The following DCAF10 variants were observed in gnomAD, a reference collection of about 807,000 sequenced individuals.
DCAF10 encodes DDB1 and CUL4 associated factor 10.
In DCAF10, 19 loss-of-function variants were observed where a neutral mutation model predicts 51.9. The ratio of observed to expected loss-of-function variants is 0.37; its 90% confidence interval spans 0.26 to 0.54. The LOEUF is 0.54. Among genes scored for constraint, DCAF10 ranks in the 20% least tolerant of loss-of-function variants. The pLI is 0.87. For synonymous variants in DCAF10, 291 were observed against 297.1 expected, an observed-to-expected ratio of 0.98 and a Z score of 0.21; for missense variants, 510 against 730.6, an observed-to-expected ratio of 0.70 and a Z score of 3.48.
At chr9:37,841,697 C>T (rs1018608620) in intron 2 of DCAF10, among the ~76,000 whole-genome samples, 7 of 151,950 alleles carry the variant, frequency 4.6e-5, no homozygotes, top group African/African-American at 1.7e-4. Context: ...GTAATGTGTC[C>T]CTCTCGGCAA....
At chr9:37,820,666 C>A (rs556167558) in intron 2 of DCAF10, among the ~76,000 whole-genome samples, 8 of 152,194 alleles carry the variant, frequency 5.3e-5, no homozygotes, top group Non-Finnish European at 1.0e-4. Flanking sequence ...ATTATAAGGC[C>A]TAGTTGTGGA....
At position 37,851,582 on chromosome 9, in the gene DCAF10, G is replaced by A. The variant is rs376990334; in HGVS notation, c.852-3198G>A. ...GGCCGAGGCGGGTGGATCACTTGAGGTCAGGAGTTTGAGACCAGCCTGGTC... is the reference window on the plus strand; with the variant it reads ...GGCCGAGGCGGGTGGATCACTTGAGATCAGGAGTTTGAGACCAGCCTGGTC... On this transcript the variant is annotated intron_variant, in intron 3 of 6. Transcript: ENST00000377724. 7.9e-5 allele frequency among the ~76,000 whole-genome samples: 12 copies of A among 151,414 alleles called. No individual in the cohort carries two copies. In the East Asian group the frequency reaches 2.4e-3, roughly 30 times the overall value.
chr9:37,853,235 C>T lies in DCAF10; in HGVS notation c.852-1545C>T, dbSNP rs192222484. Among the ~76,000 whole-genome samples the T allele has an allele frequency of 1.1e-3, 169 of 149,560 alleles. 1 individual carries two copies. The highest frequency in any genetic ancestry group is 3.7e-3 in the African/African-American group (149 of 40,640). ...AAGTCTAACTTTAAAAAATTCTGGCCGGGCATGGTGGTTCATGCCTGTAAT... is the reference window on the plus strand; with the variant it reads ...AAGTCTAACTTTAAAAAATTCTGGCTGGGCATGGTGGTTCATGCCTGTAAT... On this transcript the variant is annotated intron_variant, in intron 3 of 6. Transcript: ENST00000377724.
chr9:37,843,530 T>C (rs1830393184), intron 3 of DCAF10, among the ~76,000 whole-genome samples: 1 of 151,942 alleles, frequency 6.6e-6, no homozygotes, highest in Non-Finnish European at 1.5e-5. Flanking sequence ...TAGTAGAGGG[T>C]AAAAAACTAA....
chr9:37,833,529 G>C (rs1406532245), intron 2 of DCAF10, among the ~76,000 whole-genome samples: 2 of 151,972 alleles, frequency 1.3e-5, no homozygotes, highest in African/African-American at 4.8e-5. Flanking sequence ...TGAAATGTTA[G>C]TACCCATTTT....
intron 1 of DCAF10, among the ~76,000 whole-genome samples, chr9:37,810,179 A>G (rs911610563): frequency 2.0e-5 from 3 of 152,244 alleles, no homozygotes; most frequent in East Asian, 1.9e-4. Flanking sequence ...TGGGGGGACA[A>G]TTTTATATGC....
rs755837354 is a variant in DCAF10 at position 37,801,446 on chromosome 9, C to T, written c.539+41C>T. Reference sequence around the variant, plus strand: ...CGGAGGGCGGGCGCCCGCCTCCGCCCGGCTCTGCTGCCAGCGGACGGCCGT... The same window carrying T: ...CGGAGGGCGGGCGCCCGCCTCCGCCTGGCTCTGCTGCCAGCGGACGGCCGT... On this transcript the variant is annotated intron_variant, in intron 1 of 6. Coordinates refer to ENST00000377724, the MANE Select transcript of DCAF10 (RefSeq NM_024345.5). This position sits in a 1 kb window ranked among gnomAD's most constrained non-coding sequence, Gnocchi z 5.5. 4.3e-6 allele frequency: 6 copies of T among 1,394,900 alleles called. No homozygotes were observed. In the African/African-American group the frequency reaches 7.5e-5, roughly 18 times the overall value. The allele number at this position is 1,394,900 out of a possible 1,614,324, so 86.4% of individuals were successfully genotyped here.
At chr9:37,816,701 T>C (rs148512048) in intron 1 of DCAF10, among the ~76,000 whole-genome samples, 27 of 151,932 alleles carry the variant, frequency 1.8e-4, no homozygotes, top group Non-Finnish European at 3.7e-4. Flanking sequence ...TATACATAAA[T>C]TGATATGTTG....
At chr9:37,857,157 A>G in intron 4 of DCAF10, 84 bp from the exon 5 acceptor site, 2 of 1,084,446 alleles carry the variant, frequency 1.8e-6, no homozygotes, top group Non-Finnish European at 2.6e-6. Context: ...TTTTAAAACT[A>G]TGGTTCGAGT....
intron 2 of DCAF10, among the ~76,000 whole-genome samples, chr9:37,820,729 G>T (rs1007588315): frequency 2.6e-5 from 4 of 151,920 alleles, no homozygotes; most frequent in African/African-American, 9.7e-5. Flanking sequence ...TAAATAGGAG[G>T]AGAGAGAGAA....
intron 1 of DCAF10, among the ~76,000 whole-genome samples, chr9:37,802,189 G>A (rs1828973371): frequency 6.6e-6 from 1 of 152,026 alleles, no homozygotes; most frequent in Non-Finnish European, 1.5e-5. Flanking sequence ...TCTCTCATTC[G>A]GCGTATATTT....
chr9:37,843,532 AAAAACTAAT>A (rs1830393398), intron 3 of DCAF10, among the ~76,000 whole-genome samples: 1 of 152,218 alleles, frequency 6.6e-6, no homozygotes, highest in East Asian at 1.9e-4. Flanking sequence ...GTAGAGGGTA[AAAAACTAAT>A]AAAACATGAT....
intron 1 of DCAF10, among the ~76,000 whole-genome samples, chr9:37,803,304 AGCTT>A (rs945387440): frequency 1.3e-5 from 2 of 152,102 alleles, no homozygotes; most frequent in African/African-American, 4.8e-5. Context: ...ACTGTTTTGT[AGCTT>A]GCTTTTTTTC....
rs965853582 is a variant in DCAF10 at position 37,862,690 on chromosome 9, G to A, written c.*1182G>A. ...AGCATAAAGCAGGACTCAAGCACAA[G>A]GCTGACTGTTCTACTTTGAATAACA... On this transcript the variant is annotated 3_prime_UTR_variant, in exon 7 of 7. Coordinates refer to ENST00000377724, the MANE Select transcript of DCAF10 (RefSeq NM_024345.5). 2 of 152,244 alleles carry A rather than the reference G, an allele frequency of 1.3e-5. No individual in the cohort carries two copies. The highest frequency in any genetic ancestry group is 2.9e-5 in the Non-Finnish European group (2 of 68,046). 9.4% of individuals were successfully genotyped at this position (152,244 alleles called of 1,614,324 possible).
rs1829969761 is a variant in DCAF10 at position 37,830,298 on chromosome 9, T to C, written c.653+10897T>C. Reference sequence around the variant, plus strand: ...TTTATATAGTGTGATACCATTTACATAAAATTTGAAAACATTACAAACATA... The same window carrying C: ...TTTATATAGTGTGATACCATTTACACAAAATTTGAAAACATTACAAACATA... On this transcript the variant is annotated intron_variant, in intron 2 of 6. Transcript: ENST00000377724. Among the ~76,000 whole-genome samples, 3 of 152,224 alleles carry C rather than the reference T, an allele frequency of 2.0e-5. No individual in the cohort carries two copies. The South Asian group carries it at 6.2e-4, about 32-fold the overall frequency.
intron 2 of DCAF10, among the ~76,000 whole-genome samples, chr9:37,820,050 G>T (rs1829657610): frequency 6.6e-6 from 1 of 152,128 alleles, no homozygotes; most frequent in South Asian, 2.1e-4. Context: ...TCTAACAGTA[G>T]TTAAAATGGA....
rs187006635 is a variant in DCAF10 at position 37,860,208 on chromosome 9, A to G, written c.1311+15A>G. On this transcript the variant is annotated intron_variant, in intron 6 of 6. Coordinates refer to ENST00000377724, the MANE Select transcript of DCAF10 (RefSeq NM_024345.5). The stretch of plus-strand genomic sequence containing the variant: ...ATGATGAGGAGGTACAGGCAGCAGC[A>G]CTCCACCTTCAACAGGGCTCATTGG... The G allele has an allele frequency of 6.2e-6, 10 of 1,613,710 alleles. No homozygotes were observed. Among genetic ancestry groups the G allele is most frequent in the Admixed American group, 1.7e-5 (1 of 59,988 alleles).
chr9:37,838,927 C>T (rs1830253154), intron 2 of DCAF10, among the ~76,000 whole-genome samples: 1 of 151,840 alleles, frequency 6.6e-6, no homozygotes, highest in Non-Finnish European at 1.5e-5. Context: ...GAACACTATT[C>T]AGCCATTAAA....
intron 2 of DCAF10, among the ~76,000 whole-genome samples, chr9:37,825,856 T>G (rs1294745114): frequency 3.3e-5 from 5 of 151,544 alleles, no homozygotes; most frequent in Admixed American, 1.3e-4. Flanking sequence ...CCATCTCTAC[T>G]AAAAATACAA....
Sources: gnomAD v4.1 joint callset for allele counts (sites outside exome capture counted in the v4.1 genomes callset) on GRCh38, gnomAD v4.1.1 for gene constraint, Gnocchi (gnomAD v3.1) non-coding constraint, MANE v1.5 for transcripts, NCBI Gene and HGNC (gene_info 2026-07-23, HGNC 2026-07-21) for gene names.